ST8SIA1: variants seen among roughly 807,000 people sequenced by gnomAD.
ST8SIA1 encodes ST8 alpha-N-acetyl-neuraminide alpha-2,8-sialyltransferase 1.
In ST8SIA1, 16 loss-of-function variants were observed where a neutral mutation model predicts 35.9. The observed-to-expected ratio is 0.45, with a 90% CI of 0.30 to 0.68. The LOEUF is 0.68. Among genes scored for constraint, ST8SIA1 ranks in the 30% least tolerant of loss-of-function variants. The pLI, the probability that ST8SIA1 is intolerant of heterozygous loss-of-function variation, is 0.09. For synonymous variants in ST8SIA1, 170 were observed against 169.6 expected (o/e 1.00, Z -0.02); for missense variants, 383 against 453.6 (o/e 0.84, Z 1.41).
intron 1 of ST8SIA1, among the ~76,000 whole-genome samples, chr12:22,317,280 C>T (rs1047616067): frequency 6.6e-5 from 10 of 152,096 alleles, no homozygotes; most frequent in Admixed American, 3.9e-4. Context: ...CAATTTATTA[C>T]GTGATTTGAT....
At position 22,194,328 on chromosome 12, in the gene ST8SIA1, G is replaced by A; in HGVS notation, c.*7224C>T. 1 of 152,124 alleles carries A rather than the reference G, an allele frequency of 6.6e-6. No individual in the cohort carries two copies. The highest frequency in any genetic ancestry group is 2.1e-4 in the South Asian group (1 of 4,826). The allele number at this position is 152,124 out of a possible 1,614,324, so 9.4% of individuals were successfully genotyped here. A position where few individuals can be genotyped will look rare whatever the true frequency, so the allele number is the denominator to read the frequency against. On this transcript the variant is annotated 3_prime_UTR_variant, in exon 5 of 5. Transcript: ENST00000396037. Reference sequence around the variant, plus strand: ...TTATCACCTATGGAGCTTCCTACTAGAAGGTTCTATGACTTCAATGAAGGA... The same window carrying A: ...TTATCACCTATGGAGCTTCCTACTAAAAGGTTCTATGACTTCAATGAAGGA...
At chr12:22,228,755 C>A (rs1865384198) in intron 4 of ST8SIA1, among the ~76,000 whole-genome samples, 1 of 151,976 alleles carries the variant, frequency 6.6e-6, no homozygotes, top group Non-Finnish European at 1.5e-5. Flanking sequence ...ACCCGAGATT[C>A]CATTTAAAAA....
chr12:22,267,031 G>A (rs1865857541), intron 2 of ST8SIA1, among the ~76,000 whole-genome samples: 1 of 152,062 alleles, frequency 6.6e-6, no homozygotes, highest in African/African-American at 2.4e-5. Context: ...CAGAAATGAA[G>A]AACTACAAAT....
intron 1 of ST8SIA1, among the ~76,000 whole-genome samples, chr12:22,322,895 T>A (rs535584259): frequency 1.3e-5 from 2 of 152,236 alleles, no homozygotes; most frequent in African/African-American, 4.8e-5. Flanking sequence ...TTGTGAAACA[T>A]AGTATTTCTA....
chr12:22,276,454 C>A (rs1037198068), intron 2 of ST8SIA1, among the ~76,000 whole-genome samples: 25 of 152,180 alleles, frequency 1.6e-4, no homozygotes, highest in African/African-American at 2.4e-5. Flanking sequence ...CACGCAAGCT[C>A]TCAGCCATGG....
intron 1 of ST8SIA1, among the ~76,000 whole-genome samples, chr12:22,326,501 T>C (rs1360007048): frequency 6.6e-6 from 1 of 152,208 alleles, no homozygotes; most frequent in Non-Finnish European, 1.5e-5. Context: ...CCTCTCAAGG[T>C]AACTATTGCC....
At position 22,197,614 on chromosome 12, in the gene ST8SIA1, T is replaced by C. The variant is rs1227198642; in HGVS notation, c.*3938A>G. ...CCATTTTGGATCATCTATAACACTC[T>C]TGTAAAGCCTTTGACTAATCCAAGG... On this transcript the variant is annotated 3_prime_UTR_variant, in exon 5 of 5. Transcript: ENST00000396037. 1 of 152,208 alleles carries C rather than the reference T, an allele frequency of 6.6e-6. No individual in the cohort carries two copies. The highest frequency in any genetic ancestry group is 1.5e-5 in the Non-Finnish European group (1 of 68,032). The allele number at this position is 152,208 out of a possible 1,614,324, so 9.4% of individuals were successfully genotyped here.
intron 3 of ST8SIA1, among the ~76,000 whole-genome samples, chr12:22,252,023 CA>C (rs774772894): frequency 2.6e-5 from 4 of 152,248 alleles, no homozygotes; most frequent in South Asian, 4.1e-4. Flanking sequence ...TTTTGTCTGG[CA>C]AATCTTCCCA....
At chr12:22,248,123 A>G (rs1158501556) in intron 4 of ST8SIA1, among the ~76,000 whole-genome samples, 1 of 152,182 alleles carries the variant, frequency 6.6e-6, no homozygotes, top group Non-Finnish European at 1.5e-5. Context: ...GCATTTCTAG[A>G]TATCTATTTT....
intron 4 of ST8SIA1, among the ~76,000 whole-genome samples, chr12:22,212,228 T>C (rs1334915214): frequency 6.6e-6 from 1 of 152,238 alleles, no homozygotes; most frequent in African/African-American, 2.4e-5. Context: ...TTTCTCTGTA[T>C]AATAACTTTA....
At chr12:22,270,796 T>A (rs139720403) in intron 2 of ST8SIA1, among the ~76,000 whole-genome samples, 4 of 152,226 alleles carry the variant, frequency 2.6e-5, no homozygotes, top group Admixed American at 6.5e-5. Context: ...TTGTACCCCA[T>A]AAATTTACAC....
At chr12:22,313,162 C>T (rs1246731676) in intron 1 of ST8SIA1, among the ~76,000 whole-genome samples, 1 of 152,100 alleles carries the variant, frequency 6.6e-6, no homozygotes, top group African/African-American at 2.4e-5. Flanking sequence ...GTTTTCGCAA[C>T]TGCACAATAG....
At chr12:22,246,636 G>A (rs188340755) in intron 4 of ST8SIA1, among the ~76,000 whole-genome samples, 2 of 152,116 alleles carry the variant, frequency 1.3e-5, no homozygotes, top group Admixed American at 6.5e-5. Flanking sequence ...TGTGAGAACA[G>A]AGGAAAAAGC....
chr12:22,243,677 A>G (rs1865565874), intron 4 of ST8SIA1, among the ~76,000 whole-genome samples: 1 of 152,274 alleles, frequency 6.6e-6, no homozygotes, highest in South Asian at 2.1e-4. Flanking sequence ...TTCCAATTTG[A>G]GCACAGAGCT....
Position 22,258,743 on chromosome 12 carries a change from T to A in ST8SIA1, c.382-3354A>T, listed in dbSNP as rs569841685. 2.4e-4 allele frequency among the ~76,000 whole-genome samples: 36 copies of A among 152,344 alleles called. No homozygotes were observed. In the South Asian group the frequency reaches 6.8e-3, roughly 29 times the overall value. ...TTCAACTAATATTTAGTTTGCTCTA[T>A]AAAAGCCAACTAAAAATCCCTTTAA... On this transcript the variant is annotated intron_variant, in intron 2 of 4. Transcript: ENST00000396037.
At chr12:22,318,003 C>T (rs1285790434) in intron 1 of ST8SIA1, among the ~76,000 whole-genome samples, 1 of 152,158 alleles carries the variant, frequency 6.6e-6, no homozygotes, top group Non-Finnish European at 1.5e-5. Context: ...CATTTTATCT[C>T]AGGTATCCCA....
At position 22,249,057 on chromosome 12, in the gene ST8SIA1, A is replaced by G. The variant is rs1483283379; in HGVS notation, c.533T>C (p.Val178Ala). Residue 178 changes from valine to alanine, a missense_variant, in exon 4 of 5, where the codon GTT (valine) becomes GCT (alanine). Transcript: ENST00000396037. ...TGTCACTAACTGACTTTTGGATCCA[A>G]CATCCTTAGTGTATTCACTTGACAA... Reference protein sequence around the residue: ...PPLSSEYTKDVGSKSQLVTAN... With the variant: ...PPLSSEYTKDAGSKSQLVTAN... The G allele has an allele frequency of 1.9e-6, 3 of 1,613,868 alleles. No homozygotes were observed. In the East Asian group the frequency reaches 6.7e-5, roughly 36 times the overall value.
chr12:22,275,167 T>G (rs1295676473), intron 2 of ST8SIA1, among the ~76,000 whole-genome samples: 1 of 152,134 alleles, frequency 6.6e-6, no homozygotes, highest in Admixed American at 6.6e-5. Context: ...AAGGGCATTT[T>G]GGGCAGAAGG....
At chr12:22,212,498 G>A (rs1479600899) in intron 4 of ST8SIA1, among the ~76,000 whole-genome samples, 1 of 151,982 alleles carries the variant, frequency 6.6e-6, no homozygotes, top group Non-Finnish European at 1.5e-5. Context: ...CATTTTATGG[G>A]TGTGTTTCTT....
Sources: allele counts gnomAD v4.1 joint callset (sites outside exome capture counted in the v4.1 genomes callset), GRCh38; gene constraint gnomAD v4.1.1; transcripts MANE v1.5; gene names NCBI Gene and HGNC (gene_info 2026-07-23, HGNC 2026-07-21).